The following ELMOD3 variants were observed in gnomAD, a reference collection of about 807,000 sequenced individuals.
ELMOD3 encodes ELMO domain containing 3, also known as ELMO domain-containing protein 3.
Under a neutral mutation model 47.4 loss-of-function variants are expected in ELMOD3, and 36 were observed. The observed-to-expected ratio is 0.76, with a 90% CI of 0.58 to 1.00. ELMOD3 has a LOEUF of 1.00. Among genes scored for constraint, ELMOD3 ranks in the 50% least tolerant of loss-of-function variants. The probability of loss-of-function intolerance (pLI) is 0.00; values close to 1 mark genes in which losing one functional copy is unlikely to be tolerated. For synonymous variants in ELMOD3, 149 were observed against 183.5 expected, an observed-to-expected ratio of 0.81 and a Z score of 1.52; for missense variants, 404 against 463.8, an observed-to-expected ratio of 0.87 and a Z score of 1.18.
intron 13 of ELMOD3, 48 bp from the exon 14 acceptor site, chr2:85,390,712 A>G: frequency 6.5e-7 from 1 of 1,543,370 alleles, no homozygotes; most frequent in Non-Finnish European, 8.7e-7. Flanking sequence ...CTGTTGTGTC[A>G]CCCAGAGCCC....
intron 10 of ELMOD3, among the ~76,000 whole-genome samples, chr2:85,375,062 G>A (rs1362399688): frequency 5.3e-5 from 8 of 151,556 alleles, no homozygotes; most frequent in African/African-American, 7.3e-5. Context: ...CAGCCTGGGC[G>A]ACAGAGCGAG....
chr2:85,371,304 A>G (rs751491844), intron 9 of ELMOD3, 95 bp downstream of exon 9: 27 of 1,606,234 alleles, frequency 1.7e-5, no homozygotes, highest in Non-Finnish European at 2.1e-5. Context: ...GGAATATTGC[A>G]TGTACCATGG....
chr2:85,375,754 C>T (rs1040883810), intron 10 of ELMOD3, among the ~76,000 whole-genome samples: 1 of 152,216 alleles, frequency 6.6e-6, no homozygotes, highest in Non-Finnish European at 1.5e-5. Context: ...TCAGGTCTTA[C>T]TGAGAACCTG....
At chr2:85,387,146 C>G in intron 11 of ELMOD3, 1 of 1,297,164 alleles carries the variant, frequency 7.7e-7, no homozygotes, top group Non-Finnish European at 1.0e-6. Context: ...TATATATGAT[C>G]ATTAAATAGG....
intron 11 of ELMOD3, among the ~76,000 whole-genome samples, chr2:85,380,367 T>G (rs919873061): frequency 1.3e-5 from 2 of 152,200 alleles, no homozygotes; most frequent in African/African-American, 4.8e-5. Context: ...AAAAATTAGT[T>G]CAATCCATGC....
intron 7 of ELMOD3, 29 bp downstream of exon 7, chr2:85,368,783 A>C (rs777327264): frequency 6.2e-7 from 1 of 1,612,844 alleles, no homozygotes; most frequent in Non-Finnish European, 8.5e-7. Flanking sequence ...CTGTCTCCCC[A>C]TAGCCCCTCT....
chr2:85,359,905 C>T (rs1254415458), intron 4 of ELMOD3, among the ~76,000 whole-genome samples: 1 of 152,058 alleles, frequency 6.6e-6, no homozygotes, highest in African/African-American at 2.4e-5. Context: ...GCCTGGGCAA[C>T]CATATGTAGA....
chr2:85,390,235 A>T lies in ELMOD3; in HGVS notation c.913A>T (p.Thr305Ser). ...ACATGTCTGGAGGACACAGCGGAAGACCATCTCAGACTCGGGCTTTGTCCT... is the reference window on the plus strand; with the variant it reads ...ACATGTCTGGAGGACACAGCGGAAGTCCATCTCAGACTCGGGCTTTGTCCT... ...LAHVWRTQRK[T>S]ISDSGFVLKE... Residue 305 changes from threonine to serine, a missense_variant, in exon 13 of 14, where the codon ACC becomes TCC. Transcript: ENST00000409013. The T allele has an allele frequency of 6.2e-7, 1 of 1,614,140 alleles. No homozygotes were observed. The highest frequency in any genetic ancestry group is 8.5e-7 in the Non-Finnish European group (1 of 1,180,026).
chr2:85,382,736 G>C (rs1008125704), intron 11 of ELMOD3, among the ~76,000 whole-genome samples: 1 of 151,918 alleles, frequency 6.6e-6, no homozygotes, highest in East Asian at 1.9e-4. Flanking sequence ...GGCTGGTCTC[G>C]AACTCTGGAC....
chr2:85,360,266 CAAAAAA>C (rs753285939), intron 4 of ELMOD3, among the ~76,000 whole-genome samples: 1 of 51,480 alleles, frequency 1.9e-5, no homozygotes, highest in South Asian at 1.0e-3. Flanking sequence ...AACTCCATCT[CAAAAAA>C]AAAAAAAAAA....
In ELMOD3 at chr2:85,373,465, C is replaced by T. The variant is rs937069815; in HGVS notation, c.607+1903C>T. ...TAATTTTTTTGAGGAGGGGTTCTCACGAAGAACCAGAAAACCTGCTAGACA... is the reference window on the plus strand; with the variant it reads ...TAATTTTTTTGAGGAGGGGTTCTCATGAAGAACCAGAAAACCTGCTAGACA... On this transcript the variant is annotated intron_variant, in intron 10 of 13. Coordinates refer to ENST00000409013, the MANE Select transcript of ELMOD3 (RefSeq NM_001135022.2). 4.6e-5 allele frequency among the ~76,000 whole-genome samples: 7 copies of T among 151,934 alleles called. No individual in the cohort carries two copies. The East Asian group carries it at 5.8e-4, about 13-fold the overall frequency.
intron 13 of ELMOD3, chr2:85,390,505 A>C: frequency 1.2e-6 from 2 of 1,601,566 alleles, no homozygotes; most frequent in Non-Finnish European, 1.7e-6. Context: ...CTGATCAAAA[A>C]TTGGGAGCCA....
chr2:85,362,241 T>G lies in ELMOD3; in HGVS notation c.110T>G (p.Leu37Arg). 6.2e-7 allele frequency: 1 copy of G among 1,603,384 alleles called. No individual in the cohort carries two copies. Among genetic ancestry groups the G allele is most frequent in the Non-Finnish European group, 8.5e-7 (1 of 1,170,166 alleles). ...TCATATGACAAGGACAAGAGTGTTC[T>G]GGCTTTCAGAGGAATCCCTGTATGT... The part of the protein sequence containing the change: ...SPSYDKDKSV[L>R]AFRGIPISEL... The change falls in exon 5 of 14, where the codon CTG becomes CGG. Residue 37 changes from leucine (L) to arginine (R), a missense_variant. Leu to Arg is a moderately radical substitution (Grantham distance 102, BLOSUM62 -2). Transcript: ENST00000409013.
intron 6 of ELMOD3, among the ~76,000 whole-genome samples, chr2:85,366,232 T>C (rs1684377628): frequency 6.6e-6 from 1 of 150,708 alleles, no homozygotes; most frequent in African/African-American, 2.4e-5. Flanking sequence ...CAGCGTCCCA[T>C]AGTGCTGAGA....
chr2:85,388,081 C>T (rs1686061762), intron 11 of ELMOD3, among the ~76,000 whole-genome samples: 2 of 151,982 alleles, frequency 1.3e-5, no homozygotes, highest in Non-Finnish European at 2.9e-5. Flanking sequence ...CTAGCACATA[C>T]CAAAACTCTG....
intron 6 of ELMOD3, among the ~76,000 whole-genome samples, chr2:85,365,966 CT>C (rs200811688): frequency 3.3e-4 from 49 of 149,984 alleles, no homozygotes; most frequent in African/African-American, 9.6e-4. Flanking sequence ...CCCCCAGTCC[CT>C]TTTTTTTTGA....
intron 11 of ELMOD3, among the ~76,000 whole-genome samples, chr2:85,380,065 A>G (rs974391458): frequency 1.3e-4 from 20 of 152,232 alleles, no homozygotes; most frequent in African/African-American, 3.9e-4. Flanking sequence ...AAGAAATGAC[A>G]TGGTTCCAGT....
chr2:85,364,227 G>A (rs887377290), intron 6 of ELMOD3, among the ~76,000 whole-genome samples: 1 of 151,184 alleles, frequency 6.6e-6, no homozygotes, highest in African/African-American at 2.4e-5. Flanking sequence ...GTGGGTTCAA[G>A]CAGTCTTCCC....
intron 6 of ELMOD3, among the ~76,000 whole-genome samples, chr2:85,365,887 A>G (rs1684347360): frequency 6.6e-6 from 1 of 152,158 alleles, no homozygotes; most frequent in Non-Finnish European, 1.5e-5. Context: ...ATAAAGCTGC[A>G]TGAAGGTAAG....
Sources: gnomAD v4.1 joint callset for allele counts (sites outside exome capture counted in the v4.1 genomes callset) on GRCh38, gnomAD v4.1.1 for gene constraint, MANE v1.5 for transcripts, NCBI Gene and HGNC (gene_info 2026-07-23, HGNC 2026-07-21) for gene names.